Variants in MTAP observed in about 807,000 individuals in gnomAD.
The protein encoded by MTAP is methylthioadenosine phosphorylase, also known as S-methyl-5'-thioadenosine phosphorylase.
A neutral mutation model predicts 33.6 loss-of-function variants in MTAP; 33 were observed. The ratio of observed to expected loss-of-function variants is 0.98; its 90% CI spans 0.74 to 1.31. MTAP has a LOEUF of 1.31. Ranked by LOEUF, MTAP falls within the 40% of genes most tolerant of loss-of-function variation. The pLI is 0.00. For missense variants in MTAP, 367 were observed against 360.0 expected (o/e 1.02, Z -0.16); for synonymous variants, 148 against 125.7 (o/e 1.18, Z -1.19).
At chr9:21,829,061 T>A (rs1824896432) in intron 4 of MTAP, among the ~76,000 whole-genome samples, 1 of 152,246 alleles carries the variant, frequency 6.6e-6, no homozygotes, top group Admixed American at 6.5e-5. Flanking sequence ...GTTAATGCCC[T>A]CTATGTGTTT....
chr9:21,825,085 C>T (rs1824755269), intron 4 of MTAP, among the ~76,000 whole-genome samples: 1 of 152,170 alleles, frequency 6.6e-6, no homozygotes, highest in South Asian at 2.1e-4. Context: ...TTGGCTCACA[C>T]TCGATGGGCT....
chr9:21,860,263 G>A (rs1587255823), intron 7 of MTAP: 1 of 152,334 alleles, frequency 6.6e-6, no homozygotes, highest in Non-Finnish European at 1.5e-5. Flanking sequence ...GCCTTGATTT[G>A]TAATGTTTGC....
intron 4 of MTAP, among the ~76,000 whole-genome samples, chr9:21,828,501 C>G (rs980509441): frequency 6.6e-6 from 1 of 152,060 alleles, no homozygotes; most frequent in Non-Finnish European, 1.5e-5. Flanking sequence ...TGGTGAAACC[C>G]CGTCTTTACT....
chr9:21,883,135 AC>A (rs1818042830), intron 1 of MTAP, among the ~76,000 whole-genome samples: 1 of 151,990 alleles, frequency 6.6e-6, no homozygotes, highest in Admixed American at 6.6e-5. Flanking sequence ...GAAAAAAAAA[AC>A]AAAAACTGGT....
chr9:21,904,976 G>C (rs1279343316), intron 1 of MTAP, among the ~76,000 whole-genome samples: 2 of 152,110 alleles, frequency 1.3e-5, no homozygotes, highest in Non-Finnish European at 2.9e-5. Context: ...CAAACCTCTA[G>C]GGGGAGCATT....
chr9:21,864,971 C>T lies in MTAP; in HGVS notation c.*2957C>T, dbSNP rs144453731. ...ATTTTCTCAACAAGCATTTAGCCAG[C>T]ACTTATCCAGTGAAACAATTTGATA... On this transcript the variant is annotated 3_prime_UTR_variant, in exon 8 of 8. Coordinates refer to ENST00000644715, the MANE Select transcript of MTAP (RefSeq NM_002451.4). 5.1e-6 allele frequency: 5 copies of T among 985,442 alleles called. No homozygotes were observed. Among genetic ancestry groups the T allele is most frequent in the Non-Finnish European group, 6.0e-6 (5 of 829,948 alleles). 61.0% of individuals were successfully genotyped at this position (985,442 alleles called of 1,614,324 possible).
chr9:21,900,817 C>G (rs185928923), intron 1 of MTAP, among the ~76,000 whole-genome samples: 11 of 152,316 alleles, frequency 7.2e-5, no homozygotes, highest in Admixed American at 5.9e-4. Flanking sequence ...AAATATACAT[C>G]ACGCAATACT....
intron 1 of MTAP, among the ~76,000 whole-genome samples, chr9:21,924,141 A>G (rs571082260): frequency 4.6e-5 from 7 of 152,334 alleles, no homozygotes; most frequent in African/African-American, 1.7e-4. Context: ...GGTACCCAGT[A>G]AGACAGGTTC....
rs1324677432 is a variant in MTAP, at chr9:21,866,626, C to T, written c.*4612C>T. 1.3e-5 allele frequency: 2 copies of T among 152,126 alleles called. No individual in the cohort carries two copies. The highest frequency in any genetic ancestry group is 4.8e-5 in the African/African-American group (2 of 41,436). The allele number at this position is 152,126 out of a possible 1,614,324, so 9.4% of individuals were successfully genotyped here. ...TGTCTCTTCTTATGCCAGTACCCCACTGTCTTGATTATTGTGGCTTTATGG... is the reference window on the plus strand; with the variant it reads ...TGTCTCTTCTTATGCCAGTACCCCATTGTCTTGATTATTGTGGCTTTATGG... On this transcript the variant is annotated 3_prime_UTR_variant, in exon 8 of 8. Coordinates refer to ENST00000644715, the MANE Select transcript of MTAP (RefSeq NM_002451.4).
intron 1 of MTAP, among the ~76,000 whole-genome samples, chr9:21,915,102 C>CTTTCTTT (rs1315726600): frequency 8.4e-6 from 1 of 119,426 alleles, no homozygotes; most frequent in African/African-American, 4.0e-5. Flanking sequence ...TCTTTTCTTT[C>CTTTCTTT]GGCAGAGTCT....
chr9:21,811,384 T>A (rs2117968932), intron 1 of MTAP, among the ~76,000 whole-genome samples: 1 of 152,358 alleles, frequency 6.6e-6, no homozygotes, highest in South Asian at 2.1e-4. Flanking sequence ...AACTGGTATT[T>A]GGATAAATGC....
intron 5 of MTAP, among the ~76,000 whole-genome samples, chr9:21,850,573 C>G (rs1156886299): frequency 6.6e-6 from 1 of 152,222 alleles, no homozygotes; most frequent in Non-Finnish European, 1.5e-5. Flanking sequence ...TGTTTGGAGC[C>G]TTTGGCAGGC....
chr9:21,838,943 A>T (rs565977783), intron 5 of MTAP, among the ~76,000 whole-genome samples: 52 of 152,358 alleles, frequency 3.4e-4, no homozygotes, highest in Admixed American at 1.6e-3. Context: ...GCATATAGAG[A>T]GTAGATGATT....
downstream of MTAP, chr9:21,934,198 T>C (rs186772455): frequency 1.3e-5 from 2 of 152,328 alleles, no homozygotes; most frequent in East Asian, 1.9e-4. The surrounding 1 kb of genome is among the most constrained non-coding windows in gnomAD (Gnocchi z 5.0). Flanking sequence ...TGAACACAGT[T>C]TGAACACTCA....
chr9:21,874,264 G>A (rs888326079), intron 1 of MTAP, among the ~76,000 whole-genome samples: 2 of 152,086 alleles, frequency 1.3e-5, no homozygotes, highest in Non-Finnish European at 2.9e-5. Flanking sequence ...CACCTCCGAC[G>A]TTATTTTGAA....
intron 1 of MTAP, among the ~76,000 whole-genome samples, chr9:21,903,746 C>T (rs768371040): frequency 6.6e-6 from 1 of 152,232 alleles, no homozygotes. Context: ...CTGCTCAAAC[C>T]TCTAGGGAAG....
At chr9:21,921,021 A>C (rs1818779021) in intron 1 of MTAP, among the ~76,000 whole-genome samples, 1 of 152,184 alleles carries the variant, frequency 6.6e-6, no homozygotes, top group South Asian at 2.1e-4. Flanking sequence ...GCATTGATGC[A>C]ATCAGGTCCT....
intron 1 of MTAP, among the ~76,000 whole-genome samples, chr9:21,911,307 C>T (rs1302744526): frequency 6.6e-6 from 1 of 152,126 alleles, no homozygotes; most frequent in East Asian, 1.9e-4. Context: ...ACTCTCCACC[C>T]CAAATCAACA....
chr9:21,811,329 A>G (rs1323739178), intron 1 of MTAP, among the ~76,000 whole-genome samples: 1 of 152,192 alleles, frequency 6.6e-6, no homozygotes, highest in Admixed American at 6.5e-5. Flanking sequence ...AGGGGTTACT[A>G]TGCACCCTTT....
Sources: gnomAD v4.1 joint callset for allele counts (sites outside exome capture counted in the v4.1 genomes callset) on GRCh38, gnomAD v4.1.1 for gene constraint, Gnocchi (gnomAD v3.1) non-coding constraint, MANE v1.5 for transcripts, NCBI Gene and HGNC (gene_info 2026-07-23, HGNC 2026-07-21) for gene names.